The following GALNT14 variants were observed in gnomAD, a reference collection of about 807,000 sequenced individuals.
GALNT14 encodes UDP-GalNAc:polypeptide N-acetylgalactosaminyltransferase 14.
GALNT14 carries 60 observed loss-of-function variants against 77.5 expected under a neutral mutation model. The ratio of observed to expected loss-of-function variants is 0.77; its 90% CI spans 0.63 to 0.96. The LOEUF is 0.96. Among genes scored for constraint, GALNT14 ranks in the 40% least tolerant of loss-of-function variants. GALNT14 has a pLI of 0.00. For missense variants in GALNT14, 710 were observed against 731.0 expected (o/e 0.97, Z 0.33); for synonymous variants, 280 against 281.7 (o/e 0.99, Z 0.06).
chr2:31,051,370 A>G (rs191388154), intron 1 of GALNT14, among the ~76,000 whole-genome samples: 6 of 152,316 alleles, frequency 3.9e-5, no homozygotes, highest in Non-Finnish European at 8.8e-5. Flanking sequence ...ACCCTCCATA[A>G]TATGGGTGGG....
intron 6 of GALNT14, among the ~76,000 whole-genome samples, chr2:30,948,583 T>C (rs984983336): frequency 2.0e-5 from 3 of 152,238 alleles, no homozygotes; most frequent in East Asian, 1.9e-4. Flanking sequence ...CTCTGTGATG[T>C]TGCCTCACAA....
At chr2:30,959,555 A>T (rs190290998) in intron 3 of GALNT14, among the ~76,000 whole-genome samples, 131 of 152,338 alleles carry the variant, frequency 8.6e-4, no homozygotes, top group African/African-American at 3.0e-3. Flanking sequence ...AAAGAATCCC[A>T]TCTAGAAAAC....
chr2:31,114,535 C>G (rs892633673), intron 1 of GALNT14, among the ~76,000 whole-genome samples: 1 of 152,036 alleles, frequency 6.6e-6, no homozygotes, highest in Non-Finnish European at 1.5e-5. Flanking sequence ...CTGTAGAGAC[C>G]TAAATTAGCG....
At chr2:31,066,593 G>A (rs971929968) in intron 1 of GALNT14, among the ~76,000 whole-genome samples, 9 of 152,050 alleles carry the variant, frequency 5.9e-5, no homozygotes, top group Admixed American at 2.6e-4. Flanking sequence ...AGTACATCTC[G>A]GCCAAAACAT....
intron 6 of GALNT14, among the ~76,000 whole-genome samples, chr2:30,948,477 T>G (rs958563368): frequency 2.6e-5 from 4 of 152,220 alleles, no homozygotes; most frequent in African/African-American, 9.6e-5. Flanking sequence ...TGAAAAGGCA[T>G]GGAGACCATG....
chr2:31,128,490 T>C (rs1320497540), intron 1 of GALNT14, among the ~76,000 whole-genome samples: 3 of 152,152 alleles, frequency 2.0e-5, no homozygotes, highest in Non-Finnish European at 4.4e-5. Context: ...TGGAAGGAAA[T>C]TGCTTCCTAT....
chr2:31,071,577 T>G (rs997141571), intron 1 of GALNT14, among the ~76,000 whole-genome samples: 1 of 151,836 alleles, frequency 6.6e-6, no homozygotes, highest in African/African-American at 2.4e-5. Flanking sequence ...GCACTGTGAG[T>G]TCTGTCACTG....
At chr2:30,972,846 T>C (rs1407784803) in intron 2 of GALNT14, among the ~76,000 whole-genome samples, 3 of 152,134 alleles carry the variant, frequency 2.0e-5, no homozygotes, top group East Asian at 3.9e-4. Flanking sequence ...AACAGGAAGA[T>C]GGGAAACCGC....
At chr2:31,078,791 G>A in intron 1 of GALNT14, 1 of 558,818 alleles carries the variant, frequency 1.8e-6, no homozygotes, top group Non-Finnish European at 2.8e-6. Context: ...CAGCATCCGA[G>A]AACAGCACAG....
At chr2:31,079,395 T>A (rs1458243228) in intron 1 of GALNT14, among the ~76,000 whole-genome samples, 4 of 152,146 alleles carry the variant, frequency 2.6e-5, no homozygotes, top group African/African-American at 9.7e-5. Context: ...AACCCGGAGA[T>A]TCACTCCTTA....
intron 1 of GALNT14, among the ~76,000 whole-genome samples, chr2:31,001,946 AAAT>A (rs754657831): frequency 6.6e-6 from 1 of 152,232 alleles, no homozygotes; most frequent in East Asian, 1.9e-4. Context: ...TTCAGAAATG[AAAT>A]AATAATGATG....
chr2:31,117,641 T>C (rs116383308), intron 1 of GALNT14, among the ~76,000 whole-genome samples: 2,090 of 152,324 alleles, frequency 0.014, 41 homozygotes, highest in African/African-American at 0.048. Context: ...TGTGCAACTT[T>C]GGTAAAATTT....
At chr2:31,086,819 G>A (rs1359402203) in intron 1 of GALNT14, among the ~76,000 whole-genome samples, 1 of 152,128 alleles carries the variant, frequency 6.6e-6, no homozygotes, top group Non-Finnish European at 1.5e-5. Context: ...TTCACAGCCT[G>A]CAGATTGGCG....
At position 30,932,102 on chromosome 2, in the gene GALNT14, C is replaced by T. The variant is rs374361605; in HGVS notation, c.1024G>A (p.Val342Ile). 17 of 1,577,196 alleles carry T rather than the reference C, an allele frequency of 1.1e-5. No individual in the cohort carries two copies. The highest frequency in any genetic ancestry group is 7.0e-5 in the South Asian group (6 of 85,936). ...GHVFRKKHPY[V>I]FPDGNANTYI... ...GTGTTGGCATTTCCATCAGGGAAAA[C>T]GTAGGGGTGCTTCTTCCGGAAGACG... The change falls in exon 10 of 15, where the codon GTT becomes ATT. Residue 342 changes from valine to isoleucine, a missense_variant. Physicochemically the swap from Val to Ile is conservative, Grantham distance 29. Transcript: ENST00000349752.
rs140798402 is a variant in GALNT14 at position 30,941,229 on chromosome 2, T to G, written c.931+972A>C. On this transcript the variant is annotated intron_variant, in intron 9 of 14. Transcript: ENST00000349752. ...GACACTTTGGGAGGCTCCCTTTTAC[T>G]CTACTGTGATGTGTTCATTCAACAA... Among the ~76,000 whole-genome samples, 926 of 152,280 alleles carry G rather than the reference T, an allele frequency of 6.1e-3. 4 individuals are homozygous for G. The highest frequency in any genetic ancestry group is 0.019 in the African/African-American group (791 of 41,570).
the GALNT14 span, among the ~76,000 whole-genome samples, chr2:30,889,335 A>G: frequency 6.6e-6 from 1 of 152,162 alleles, no homozygotes; most frequent in Non-Finnish European, 1.5e-5. Context: ...TGTGCAGGAT[A>G]ATGGAACTTG....
At chr2:31,128,776 C>T (rs1215505194) in intron 1 of GALNT14, among the ~76,000 whole-genome samples, 1 of 152,118 alleles carries the variant, frequency 6.6e-6, no homozygotes, top group African/African-American at 2.4e-5. Context: ...CGTTACAGTC[C>T]CAGCTCTTTC....
intron 1 of GALNT14, among the ~76,000 whole-genome samples, chr2:31,085,626 CG>C (rs1221006751): frequency 1.3e-5 from 2 of 152,238 alleles, no homozygotes; most frequent in African/African-American, 4.8e-5. Flanking sequence ...CCTTCTCCTC[CG>C]GTATCTCCCT....
intron 1 of GALNT14, among the ~76,000 whole-genome samples, chr2:31,017,323 T>A (rs1441936035): frequency 6.6e-6 from 1 of 152,236 alleles, no homozygotes; most frequent in Non-Finnish European, 1.5e-5. Context: ...TCTGTTCCCT[T>A]GCCCACAATA....
Sources: gnomAD v4.1 joint callset for allele counts (sites outside exome capture counted in the v4.1 genomes callset) on GRCh38, gnomAD v4.1.1 for gene constraint, MANE v1.5 for transcripts, NCBI Gene and HGNC (gene_info 2026-07-23, HGNC 2026-07-21) for gene names.